The following CLPTM1 variants were observed in gnomAD, a reference collection of about 807,000 sequenced individuals.
CLPTM1 encodes the protein CLPTM1 regulator of GABA type A receptor forward trafficking, also known as putative lipid scramblase CLPTM1.
Under a neutral mutation model 77.3 loss-of-function variants are expected in CLPTM1, and 21 were observed. The observed-to-expected ratio is 0.27, with a 90% CI of 0.19 to 0.39. The LOEUF is 0.39. Among genes scored for constraint, CLPTM1 ranks in the 10% least tolerant of loss-of-function variants. The pLI, the probability that CLPTM1 is intolerant of heterozygous loss-of-function variation, is 1.00. For synonymous variants in CLPTM1, 373 were observed against 381.0 expected, an observed-to-expected ratio of 0.98 and a Z score of 0.24; for missense variants, 642 against 921.2, an observed-to-expected ratio of 0.70 and a Z score of 3.92.
rs1469736648 is a variant in CLPTM1 at position 44,993,006 on chromosome 19, C to T, written c.*109C>T. The T allele has an allele frequency of 4.4e-6, 6 of 1,355,294 alleles. No individual in the cohort carries two copies. The highest frequency in any genetic ancestry group is 1.2e-5 in the South Asian group (1 of 80,696). 84.0% of individuals were successfully genotyped at this position (1,355,294 alleles called of 1,614,324 possible). ...TTTCCCTGGACAGATCAGGCCGGGGCGGTGGGAGGCCCGCCTCAGGTCAGG... is the reference window on the plus strand; with the variant it reads ...TTTCCCTGGACAGATCAGGCCGGGGTGGTGGGAGGCCCGCCTCAGGTCAGG... On this transcript the variant is annotated 3_prime_UTR_variant, in exon 14 of 14. Coordinates refer to ENST00000337392, the MANE Select transcript of CLPTM1 (RefSeq NM_001294.4).
At chr19:44,989,285 G>A (rs1971031244) in intron 9 of CLPTM1, among the ~76,000 whole-genome samples, 1 of 152,244 alleles carries the variant, frequency 6.6e-6, no homozygotes, top group African/African-American at 2.4e-5. Flanking sequence ...CTGGGAGACG[G>A]GACCCTTCTG....
chr19:44,987,806 G>A (rs538213723), intron 8 of CLPTM1: 3 of 571,532 alleles, frequency 5.2e-6, no homozygotes, highest in Non-Finnish European at 9.4e-6. Context: ...GTCACTGTTG[G>A]GTCTCTGCTC....
intron 4 of CLPTM1, among the ~76,000 whole-genome samples, chr19:44,975,879 T>C (rs997683427): frequency 3.9e-5 from 6 of 152,070 alleles, no homozygotes; most frequent in African/African-American, 1.4e-4. Context: ...TCTTTTCTTT[T>C]TGAGATGGGG....
At chr19:44,974,322 C>A (rs1392208596) in intron 3 of CLPTM1, 117 bp from the exon 4 acceptor site, 6 of 980,368 alleles carry the variant, frequency 6.1e-6, no homozygotes, top group Non-Finnish European at 9.1e-6. Flanking sequence ...TCTCCTCTCC[C>A]CTGTCCTCCA....
chr19:44,955,189 AC>A, upstream of CLPTM1: 1 of 1,534,404 alleles, frequency 6.5e-7, no homozygotes. Context: ...TTAGGTGGAA[AC>A]AAACGGGCTG....
chr19:44,988,053 G>A, intron 8 of CLPTM1, 27 bp from the exon 9 acceptor site: 1 of 1,542,764 alleles, frequency 6.5e-7, no homozygotes, highest in Non-Finnish European at 9.0e-7. Flanking sequence ...GGTGGGGACA[G>A]GCTGTGCTCA....
At chr19:44,968,330 T>G (rs558758057) in intron 2 of CLPTM1, among the ~76,000 whole-genome samples, 6 of 152,238 alleles carry the variant, frequency 3.9e-5, no homozygotes, top group African/African-American at 1.4e-4. Flanking sequence ...GCGTCTGTGT[T>G]TTTGAGCACA....
At chr19:44,986,016 G>A (rs1350551962) in intron 6 of CLPTM1, among the ~76,000 whole-genome samples, 5 of 152,152 alleles carry the variant, frequency 3.3e-5, no homozygotes, top group African/African-American at 4.8e-5. Context: ...CTAGGGAGGA[G>A]AGCCTTCTGC....
At chr19:44,987,145 G>A (rs374073636) in intron 7 of CLPTM1, 34 bp from the exon 8 acceptor site, 82 of 1,588,518 alleles carry the variant, frequency 5.2e-5, no homozygotes, top group South Asian at 1.0e-4. Context: ...CCTCCTGCCC[G>A]GGCCAAATGG....
chr19:44,958,421 C>T (rs995941494), intron 1 of CLPTM1, among the ~76,000 whole-genome samples: 1 of 151,276 alleles, frequency 6.6e-6, no homozygotes, highest in African/African-American at 2.4e-5. Context: ...GACGGAGTCT[C>T]GCTTTCTCAC....
upstream of CLPTM1, chr19:44,955,246 A>G: frequency 6.7e-7 from 1 of 1,495,234 alleles, no homozygotes; most frequent in Non-Finnish European, 8.9e-7. Context: ...CCATAGCCGG[A>G]AGTGGCCTTC....
At chr19:44,977,192 C>A in intron 4 of CLPTM1, 151 bp from the exon 5 acceptor site, 1 of 661,822 alleles carries the variant, frequency 1.5e-6, no homozygotes. Context: ...TACCTCTCTG[C>A]CACCCAGCTA....
intron 5 of CLPTM1, among the ~76,000 whole-genome samples, chr19:44,984,014 C>T (rs1218510302): frequency 6.6e-6 from 1 of 152,222 alleles, no homozygotes; most frequent in South Asian, 2.1e-4. Flanking sequence ...GGAGATGGAG[C>T]GTGGGCACGC....
Position 44,990,483 on chromosome 19 carries a change from C to G in CLPTM1, c.1221C>G (p.Leu407=), listed in dbSNP as rs751770401. 6.2e-7 allele frequency: 1 copy of G among 1,614,150 alleles called. No homozygotes were observed. The highest frequency in any genetic ancestry group is 8.5e-7 in the Non-Finnish European group (1 of 1,179,994). The change falls in exon 10 of 14, where the codon CTC becomes CTG. Residue 407 remains leucine (L), a synonymous_variant. Transcript: ENST00000337392. The surrounding 1 kb of genome is among the most constrained non-coding windows in gnomAD (Gnocchi z 4.8). The part of the protein sequence containing the change: ...FFGVFQSFVV[L]LYILDNETNF... The stretch of plus-strand genomic sequence containing the variant: ...GCGTTTTCCAGTCATTCGTGGTCCT[C>G]CTCTACATCCTGGACAACGAGACCA...
At chr19:44,981,506 G>A (rs568057674) in intron 5 of CLPTM1, among the ~76,000 whole-genome samples, 17 of 152,278 alleles carry the variant, frequency 1.1e-4, no homozygotes, top group African/African-American at 4.1e-4. Context: ...CAGGTAGAAG[G>A]ATCATTTGAG....
In CLPTM1 at chr19:44,969,024, A is replaced by C. The variant is rs149857258; in HGVS notation, c.186-4063A>C. Among the ~76,000 whole-genome samples, 448 of 151,982 alleles carry C rather than the reference A, an allele frequency of 2.9e-3. 4 individuals are homozygous for C. The highest frequency in any genetic ancestry group is 9.9e-3 in the African/African-American group (411 of 41,434). On this transcript the variant is annotated intron_variant, in intron 2 of 13. Coordinates refer to ENST00000337392, the MANE Select transcript of CLPTM1 (RefSeq NM_001294.4). ...CCTGATCAGGGCTCAGCAGGGAGGC[A>C]CCCCACCCACACTAGAATTTACTCA...
intron 5 of CLPTM1, among the ~76,000 whole-genome samples, chr19:44,980,401 C>T (rs1600035115): frequency 6.7e-6 from 1 of 150,332 alleles, no homozygotes; most frequent in Middle Eastern, 3.2e-3. Flanking sequence ...CCCAGTTACT[C>T]GGGAAGCTGA....
At position 44,955,451 on chromosome 19, in the gene CLPTM1, G is replaced by C; in HGVS notation, c.56G>C (p.Gly19Ala). The change falls in exon 1 of 14, where the codon GGA (glycine) becomes GCA (alanine). Residue 19 changes from glycine to alanine, a missense_variant. Gly to Ala is a moderately conservative substitution (Grantham distance 60, BLOSUM62 0). Around this residue, in one of 2 missense-constraint regions of CLPTM1, gnomAD observed 121 missense variants for 120.8 expected, o/e 1.00. Coordinates refer to ENST00000337392, the MANE Select transcript of CLPTM1 (RefSeq NM_001294.4). ...CGCAGCGCCGTGGTGGCGGCCGGGGGAGGCAGCTCCGGTCAGGTACGGAGG... is the reference window on the plus strand; with the variant it reads ...CGCAGCGCCGTGGTGGCGGCCGGGGCAGGCAGCTCCGGTCAGGTACGGAGG... ...GARSAVVAAG[G>A]GSSGQVTSNG... 7.5e-7 allele frequency: 1 copy of C among 1,332,736 alleles called. No individual in the cohort carries two copies. The highest frequency in any genetic ancestry group is 9.6e-7 in the Non-Finnish European group (1 of 1,043,852). The allele number at this position is 1,332,736 out of a possible 1,614,324, so 82.6% of individuals were successfully genotyped here.
At chr19:44,987,026 C>T (rs980772312) in intron 7 of CLPTM1, 153 bp from the exon 8 acceptor site, 15 of 1,001,008 alleles carry the variant, frequency 1.5e-5, no homozygotes, top group African/African-American at 4.9e-5. Flanking sequence ...GAGGTCAAGG[C>T]ACCCTTTAGC....
Sources: gnomAD v4.1 joint callset for allele counts (sites outside exome capture counted in the v4.1 genomes callset) on GRCh38, gnomAD v4.1.1 for gene constraint, gnomAD v4.1.1 regional missense constraint, Gnocchi (gnomAD v3.1) non-coding constraint, MANE v1.5 for transcripts, NCBI Gene and HGNC (gene_info 2026-07-23, HGNC 2026-07-21) for gene names.